The following LDLRAD4 variants were observed in gnomAD, a reference collection of about 807,000 sequenced individuals.
LDLRAD4 encodes low-density lipoprotein receptor class A domain-containing protein 4.
Under a neutral mutation model 17.0 loss-of-function variants are expected in LDLRAD4, and 5 were observed. The observed-to-expected ratio is 0.29, with a 90% confidence interval of 0.15 to 0.62. LDLRAD4 has a LOEUF of 0.62. Among genes scored for constraint, LDLRAD4 ranks in the 20% least tolerant of loss-of-function variants. The pLI, the probability that LDLRAD4 is intolerant of heterozygous loss-of-function variation, is 0.84. For synonymous variants in LDLRAD4, 168 were observed against 171.8 expected, an observed-to-expected ratio of 0.98 and a Z score of 0.17; for missense variants, 340 against 424.7, an observed-to-expected ratio of 0.80 and a Z score of 1.75.
At chr18:13,297,754 C>T (rs1345915352) in intron 1 of LDLRAD4, among the ~76,000 whole-genome samples, 1 of 152,220 alleles carries the variant, frequency 6.6e-6, no homozygotes, top group African/African-American at 2.4e-5. Flanking sequence ...GAACTATAAT[C>T]CCACCACTGC....
intron 3 of LDLRAD4, among the ~76,000 whole-genome samples, chr18:13,586,915 C>A (rs990021856): frequency 6.6e-6 from 1 of 151,400 alleles, no homozygotes. Context: ...TGTGTATGCA[C>A]CCCTGTAACA....
Position 13,495,089 on chromosome 18 carries a change from A to T in LDLRAD4, c.181+56705A>T, listed in dbSNP as rs577130318. 2.0e-5 allele frequency among the ~76,000 whole-genome samples: 3 copies of T among 152,276 alleles called. No individual in the cohort carries two copies. In the South Asian group the frequency reaches 6.2e-4, roughly 32 times the overall value. ...CACAGTGAGTGAATCATTGTCTGAGAAAATGACCTCTGAATATACATATAT... is the reference window on the plus strand; with the variant it reads ...CACAGTGAGTGAATCATTGTCTGAGTAAATGACCTCTGAATATACATATAT... On this transcript the variant is annotated intron_variant, in intron 3 of 5. Coordinates refer to ENST00000359446, the Ensembl canonical transcript of LDLRAD4.
chr18:13,277,351 T>C (rs574609847), upstream of LDLRAD4, among the ~76,000 whole-genome samples: 12 of 152,298 alleles, frequency 7.9e-5, no homozygotes, highest in African/African-American at 2.4e-4. Flanking sequence ...CGAGCTTTGC[T>C]GAGTTCACCT....
At chr18:13,247,978 A>G (rs886899793) in intron 1 of LDLRAD4, among the ~76,000 whole-genome samples, 10 of 27,550 alleles carry the variant, frequency 3.6e-4, no homozygotes, top group Non-Finnish European at 6.5e-4. Flanking sequence ...TTTTTTTTTT[A>G]AAGACAGAGT....
intron 4 of LDLRAD4, 96 bp from the exon 6 acceptor site, chr18:13,643,263 T>C: frequency 2.5e-6 from 2 of 785,688 alleles, no homozygotes. Flanking sequence ...GATCCCCGTT[T>C]CCAGAAGTTG....
At chr18:13,237,634 C>T (rs577718430) in intron 1 of LDLRAD4, among the ~76,000 whole-genome samples, 39 of 152,264 alleles carry the variant, frequency 2.6e-4, no homozygotes, top group Admixed American at 2.4e-3. Context: ...CATTGTCCCC[C>T]GAGCAACCAA....
chr18:13,299,660 A>G (rs1024097487), intron 1 of LDLRAD4, among the ~76,000 whole-genome samples: 1 of 152,112 alleles, frequency 6.6e-6, no homozygotes, highest in African/African-American at 2.4e-5. Context: ...CCTGGACAAC[A>G]CAGCAAGACC....
At chr18:13,333,309 T>C (rs886762729) in intron 1 of LDLRAD4, among the ~76,000 whole-genome samples, 2 of 152,254 alleles carry the variant, frequency 1.3e-5, no homozygotes, top group Admixed American at 1.3e-4. Context: ...ATGTTTTGGA[T>C]AACAGTCTTT....
At chr18:13,449,518 C>T (rs59566381) in intron 3 of LDLRAD4, among the ~76,000 whole-genome samples, 6,182 of 152,320 alleles carry the variant, frequency 0.041, 347 homozygotes, top group East Asian at 0.15. Context: ...CAGGCTCATA[C>T]GTGTGCTTGG....
At chr18:13,348,671 T>G (rs2082850333) in intron 1 of LDLRAD4, among the ~76,000 whole-genome samples, 1 of 152,014 alleles carries the variant, frequency 6.6e-6, no homozygotes, top group African/African-American at 2.4e-5. Context: ...CCCCCAGAGG[T>G]GGAGTCTATA....
At chr18:13,430,823 C>T (rs1362735001) in intron 2 of LDLRAD4, among the ~76,000 whole-genome samples, 1 of 152,204 alleles carries the variant, frequency 6.6e-6, no homozygotes, top group East Asian at 1.9e-4. Flanking sequence ...CCCCCCAGCC[C>T]CCTCGCTGAC....
chr18:13,353,210 G>A (rs2083145075), intron 1 of LDLRAD4, among the ~76,000 whole-genome samples: 1 of 151,916 alleles, frequency 6.6e-6, no homozygotes. Context: ...TGGAAAATTA[G>A]GCATTTGAAA....
chr18:13,641,716 G>C, intron 4 of LDLRAD4: 1 of 980,442 alleles, frequency 1.0e-6, no homozygotes, highest in Non-Finnish European at 1.2e-6. Flanking sequence ...GCCAGTCGGC[G>C]TGGGGTGCGG....
chr18:13,343,865 C>G (rs1017095734), intron 1 of LDLRAD4, among the ~76,000 whole-genome samples: 1 of 152,184 alleles, frequency 6.6e-6, no homozygotes, highest in African/African-American at 2.4e-5. Context: ...TGCCTTTTGG[C>G]TGCATAAATG....
At chr18:13,551,091 A>G (rs564175897) in intron 3 of LDLRAD4, among the ~76,000 whole-genome samples, 1 of 151,886 alleles carries the variant, frequency 6.6e-6, no homozygotes, top group African/African-American at 2.4e-5. Flanking sequence ...TCTAAATTAC[A>G]CCCCTACGGC....
intron 4 of LDLRAD4, among the ~76,000 whole-genome samples, chr18:13,634,613 CTT>C (rs1230300380): frequency 6.6e-6 from 1 of 152,062 alleles, no homozygotes; most frequent in Non-Finnish European, 1.5e-5. Context: ...AATTGGAAGA[CTT>C]AACTATTTTT....
intron 1 of LDLRAD4, among the ~76,000 whole-genome samples, chr18:13,372,583 C>T (rs911554452): frequency 6.6e-6 from 1 of 152,142 alleles, no homozygotes; most frequent in Non-Finnish European, 1.5e-5. Flanking sequence ...AATGCTAGGC[C>T]GTCTGGGTGT....
At chr18:13,632,495 C>G (rs2041752845) in intron 4 of LDLRAD4, among the ~76,000 whole-genome samples, 1 of 152,202 alleles carries the variant, frequency 6.6e-6, no homozygotes. Flanking sequence ...GCATCCACTG[C>G]AGGCACTTGC....
At chr18:13,637,281 C>T (rs990484185) in intron 4 of LDLRAD4, among the ~76,000 whole-genome samples, 10 of 151,938 alleles carry the variant, frequency 6.6e-5, no homozygotes, top group African/African-American at 1.7e-4. Flanking sequence ...GTTTTAATAG[C>T]GCAGATAGTC....
Sources: allele counts gnomAD v4.1 joint callset (sites outside exome capture counted in the v4.1 genomes callset), GRCh38; gene constraint gnomAD v4.1.1; transcripts MANE v1.5; gene names NCBI Gene and HGNC (gene_info 2026-07-23, HGNC 2026-07-21).